The following TBC1D9 variants were observed in gnomAD, a reference collection of about 807,000 sequenced individuals.
TBC1D9 encodes TBC1 domain family member 9.
Under a neutral mutation model 132.0 loss-of-function variants are expected in TBC1D9, and 63 were observed. That is an observed-to-expected ratio of 0.48 (90% CI 0.39 to 0.59). TBC1D9 has a LOEUF of 0.59. Among genes scored for constraint, TBC1D9 ranks in the 20% least tolerant of loss-of-function variants. The probability of loss-of-function intolerance (pLI) is 0.00; values close to 1 mark genes in which losing one functional copy is unlikely to be tolerated. For synonymous variants in TBC1D9, 610 were observed against 609.9 expected (o/e 1.00, Z 0.00); for missense variants, 1,261 against 1,592.7 (o/e 0.79, Z 3.54).
intron 1 of TBC1D9, among the ~76,000 whole-genome samples, chr4:140,732,489 C>T (rs536429044): frequency 1.3e-5 from 2 of 152,288 alleles, no homozygotes; most frequent in African/African-American, 4.8e-5. Context: ...ATTAGAACAC[C>T]TTTCCCATTT....
intron 13 of TBC1D9, chr4:140,645,033 G>A: frequency 2.1e-6 from 1 of 479,330 alleles, no homozygotes; most frequent in Non-Finnish European, 4.2e-6. Flanking sequence ...GGCCAGATGG[G>A]TTGCGGGGTC....
chr4:140,692,165 A>G (rs1254629028), intron 2 of TBC1D9, among the ~76,000 whole-genome samples: 3 of 152,146 alleles, frequency 2.0e-5, no homozygotes, highest in Non-Finnish European at 4.4e-5. Context: ...GTGTAGGTAC[A>G]TTTGTATGTG....
At chr4:140,710,993 C>A (rs1478222751) in intron 1 of TBC1D9, among the ~76,000 whole-genome samples, 1 of 152,194 alleles carries the variant, frequency 6.6e-6, no homozygotes, top group Non-Finnish European at 1.5e-5. Context: ...AGTGTGTTGG[C>A]TCATTCTTTC....
intron 1 of TBC1D9, among the ~76,000 whole-genome samples, chr4:140,711,300 TCAAGGTCAGC>T (rs1441241450): frequency 6.6e-6 from 1 of 151,854 alleles, no homozygotes; most frequent in East Asian, 1.9e-4. Context: ...AACTCAAAGG[TCAAGGTCAGC>T]CAAGGTCAAC....
intron 1 of TBC1D9, among the ~76,000 whole-genome samples, chr4:140,703,077 C>G (rs1418994187): frequency 6.6e-6 from 1 of 152,146 alleles, no homozygotes; most frequent in East Asian, 1.9e-4. Context: ...TGCTAAGATA[C>G]TTTTATCGAA....
At chr4:140,707,546 T>C (rs1738167609) in intron 1 of TBC1D9, among the ~76,000 whole-genome samples, 1 of 152,198 alleles carries the variant, frequency 6.6e-6, no homozygotes, top group Admixed American at 6.5e-5. Flanking sequence ...TGCTGCCACC[T>C]GTTCTTCTGG....
intron 1 of TBC1D9, among the ~76,000 whole-genome samples, chr4:140,755,588 AG>A (rs948288224): frequency 4.6e-5 from 7 of 152,158 alleles, no homozygotes; most frequent in South Asian, 2.1e-4. Flanking sequence ...AATATTTTTA[AG>A]GGGGGGAGGG....
chr4:140,634,619 A>G (rs1560867324), intron 15 of TBC1D9, among the ~76,000 whole-genome samples: 1 of 152,204 alleles, frequency 6.6e-6, no homozygotes, highest in Non-Finnish European at 1.5e-5. Flanking sequence ...GACAATGGTA[A>G]AATCCAGACT....
At chr4:140,632,599 TA>T (rs752913475) in intron 16 of TBC1D9, among the ~76,000 whole-genome samples, 47 of 152,314 alleles carry the variant, frequency 3.1e-4, no homozygotes, top group Non-Finnish European at 6.0e-4. Context: ...ATTGGTTTGC[TA>T]AAAACTAATG....
At chr4:140,692,498 G>A (rs534767777) in intron 2 of TBC1D9, among the ~76,000 whole-genome samples, 9 of 152,234 alleles carry the variant, frequency 5.9e-5, no homozygotes, top group Admixed American at 1.3e-4. Context: ...AGCCACCCTT[G>A]TACTTTCTAC....
intron 1 of TBC1D9, among the ~76,000 whole-genome samples, chr4:140,728,839 T>C (rs545365277): frequency 6.6e-6 from 1 of 152,248 alleles, no homozygotes; most frequent in South Asian, 2.1e-4. Flanking sequence ...AATTTTTGTA[T>C]TTTTAGTAGA....
chr4:140,624,515 A>T (rs1329529426), intron 18 of TBC1D9, 127 bp from the exon 19 acceptor site: 1 of 763,492 alleles, frequency 1.3e-6, no homozygotes, highest in Non-Finnish European at 2.1e-6. Context: ...AAACAAACAA[A>T]AAAAAACTCC....
intron 15 of TBC1D9, 141 bp downstream of exon 15, chr4:140,638,945 A>G: frequency 1.7e-6 from 1 of 579,922 alleles, no homozygotes; most frequent in Non-Finnish European, 3.0e-6. Context: ...TTTCATATTA[A>G]GTACTACAGT....
chr4:140,684,757 G>C (rs1345657223), intron 3 of TBC1D9, among the ~76,000 whole-genome samples: 1 of 151,332 alleles, frequency 6.6e-6, no homozygotes, highest in Non-Finnish European at 1.5e-5. Flanking sequence ...TTGAACCCAG[G>C]AGGCAGAGTT....
chr4:140,733,297 A>AT (rs34542002), intron 1 of TBC1D9, among the ~76,000 whole-genome samples: 7,420 of 151,710 alleles, frequency 0.049, 207 homozygotes, highest in Middle Eastern at 0.1. Context: ...TAATTATGTG[A>AT]TTTTTTTTTA....
At chr4:140,651,318 C>T (rs1737184454) in intron 13 of TBC1D9, among the ~76,000 whole-genome samples, 1 of 152,066 alleles carries the variant, frequency 6.6e-6, no homozygotes, top group African/African-American at 2.4e-5. Flanking sequence ...CAAAAATTAG[C>T]CAGGTGTAGT....
intron 13 of TBC1D9, chr4:140,643,570 G>T: frequency 1.1e-6 from 1 of 886,664 alleles, no homozygotes; most frequent in African/African-American, 1.6e-5. Context: ...CTGGGCTGGG[G>T]CTCGCTCAGG....
chr4:140,679,624 C>T lies in TBC1D9; in HGVS notation c.580G>A (p.Gly194Arg). 1 of 1,612,434 alleles carries T rather than the reference C, an allele frequency of 6.2e-7. No individual in the cohort carries two copies. The highest frequency in any genetic ancestry group is 8.5e-7 in the Non-Finnish European group (1 of 1,178,878). Residue 194 changes from glycine to arginine, a missense_variant, in exon 4 of 21, where the codon GGA (glycine) becomes AGA (arginine). Coordinates refer to ENST00000442267, the MANE Select transcript of TBC1D9 (RefSeq NM_015130.3). ...ATTTTAGATGACTTACCTTCCCTTC[C>T]CATAAGAAAAGAATAAAAGCAAAGG... ...NHLCFYSFLM[G>R]REAKLVIRWV... is the part of the protein sequence containing the mutation.
intron 1 of TBC1D9, among the ~76,000 whole-genome samples, chr4:140,742,447 GC>G (rs1738773248): frequency 6.9e-6 from 1 of 145,094 alleles, no homozygotes; most frequent in Non-Finnish European, 1.5e-5. Flanking sequence ...CAGGCTAATT[GC>G]TTGAACCTGG....
Sources: allele counts gnomAD v4.1 joint callset (sites outside exome capture counted in the v4.1 genomes callset), GRCh38; gene constraint gnomAD v4.1.1; transcripts MANE v1.5; gene names NCBI Gene and HGNC (gene_info 2026-07-23, HGNC 2026-07-21).